The following ELOVL6 variants were observed in gnomAD, a reference collection of about 807,000 sequenced individuals.
ELOVL6 encodes the protein very long chain fatty acid elongase 6.
In ELOVL6, 8 loss-of-function variants were observed where a neutral mutation model predicts 31.7. That is an observed-to-expected ratio of 0.25 (90% CI 0.15 to 0.45). The LOEUF is 0.45. Ranked by LOEUF, ELOVL6 falls within the 20% of genes least tolerant of loss-of-function variation. ELOVL6 has a pLI of 1.00. For synonymous variants in ELOVL6, 101 were observed against 117.7 expected (o/e 0.86, Z 0.92); for missense variants, 126 against 326.4 (o/e 0.39, Z 4.73).
At chr4:110,173,347 TTA>T (rs1275647499) in intron 1 of ELOVL6, among the ~76,000 whole-genome samples, 1 of 151,974 alleles carries the variant, frequency 6.6e-6, no homozygotes, top group Admixed American at 6.6e-5. Context: ...CAAGTTCTGT[TTA>T]TGTCACTAGT....
At chr4:110,176,124 A>C (rs1759096234) in intron 1 of ELOVL6, among the ~76,000 whole-genome samples, 2 of 151,068 alleles carry the variant, frequency 1.3e-5, no homozygotes, top group African/African-American at 2.4e-5. Context: ...ACATTTAACA[A>C]CACCATGAAT....
chr4:110,188,025 T>C (rs1759499068), intron 1 of ELOVL6, among the ~76,000 whole-genome samples: 1 of 152,236 alleles, frequency 6.6e-6, no homozygotes, highest in African/African-American at 2.4e-5. Flanking sequence ...TTCTTCACAT[T>C]GTAGGAGCTG....
At chr4:110,126,206 G>A (rs1341828103) in intron 1 of ELOVL6, among the ~76,000 whole-genome samples, 1 of 152,032 alleles carries the variant, frequency 6.6e-6, no homozygotes, top group Non-Finnish European at 1.5e-5. Context: ...GCCATGCCCA[G>A]ATAATTTTTG....
At chr4:110,151,040 C>A (rs1182343159) in intron 1 of ELOVL6, among the ~76,000 whole-genome samples, 1 of 145,458 alleles carries the variant, frequency 6.9e-6, no homozygotes, top group Non-Finnish European at 1.5e-5. Flanking sequence ...AAGACTCCGT[C>A]TGAAAAAAAA....
intron 1 of ELOVL6, among the ~76,000 whole-genome samples, chr4:110,109,949 AGCAGT>A (rs1578487034): frequency 6.6e-6 from 1 of 152,330 alleles, no homozygotes; most frequent in East Asian, 1.9e-4. Context: ...GAAAGTAAAA[AGCAGT>A]GAGGGGAAAA....
intron 2 of ELOVL6, among the ~76,000 whole-genome samples, chr4:110,079,266 C>T (rs1003021202): frequency 2.6e-5 from 4 of 152,182 alleles, no homozygotes; most frequent in Non-Finnish European, 5.9e-5. Context: ...GAATTCTCCA[C>T]CCCAAATCAA....
At chr4:110,164,022 T>C (rs1054989849) in intron 1 of ELOVL6, among the ~76,000 whole-genome samples, 1 of 152,196 alleles carries the variant, frequency 6.6e-6, no homozygotes, top group East Asian at 1.9e-4. Context: ...CATTACTCAG[T>C]TGAAAGCAAA....
At chr4:110,113,555 C>T (rs977538557) in intron 1 of ELOVL6, among the ~76,000 whole-genome samples, 18 of 152,064 alleles carry the variant, frequency 1.2e-4, no homozygotes, top group Admixed American at 2.0e-4. Flanking sequence ...CCAGCCTGGG[C>T]GACAGAGTGA....
chr4:110,168,892 T>C (rs1758858182), intron 1 of ELOVL6, among the ~76,000 whole-genome samples: 1 of 152,192 alleles, frequency 6.6e-6, no homozygotes, highest in Non-Finnish European at 1.5e-5. Context: ...ATGAAGCCTT[T>C]AGTGGGTACG....
chr4:110,164,990 C>A (rs1400757483), intron 1 of ELOVL6, among the ~76,000 whole-genome samples: 3 of 151,922 alleles, frequency 2.0e-5, no homozygotes, highest in Non-Finnish European at 2.9e-5. Context: ...ACGTGCACCC[C>A]ACCACACCCA....
intron 1 of ELOVL6, among the ~76,000 whole-genome samples, chr4:110,175,237 G>A (rs1309441030): frequency 6.6e-6 from 1 of 151,976 alleles, no homozygotes; most frequent in Admixed American, 6.6e-5. Flanking sequence ...ACAAAAATTA[G>A]CCACGCGTGG....
rs982879061 is a variant in ELOVL6 at position 110,071,695 on chromosome 4, G to A, written c.222-11941C>T. Among the ~76,000 whole-genome samples the A allele has an allele frequency of 5.3e-5, 8 of 152,254 alleles. No homozygotes were observed. The East Asian group carries it at 9.7e-4, about 18-fold the overall frequency. On this transcript the variant is annotated intron_variant, in intron 2 of 3. Transcript: ENST00000302274. The stretch of plus-strand genomic sequence containing the variant: ...GGAACTTGGCCAAGATCCACTGCCT[G>A]CTCAGAAGGATGCCAGGCGTCTAAG...
chr4:110,174,164 CTTTT>C (rs1332367998), intron 1 of ELOVL6, among the ~76,000 whole-genome samples: 1 of 133,602 alleles, frequency 7.5e-6, no homozygotes, highest in African/African-American at 2.7e-5. Context: ...GAAAGACAGT[CTTTT>C]TTTTTTTTTT....
intron 2 of ELOVL6, among the ~76,000 whole-genome samples, chr4:110,094,267 G>C (rs1193936921): frequency 3.7e-4 from 55 of 148,130 alleles, no homozygotes; most frequent in Non-Finnish European, 1.2e-4. Context: ...AAAAAAATCT[G>C]GATGGGCCAG....
At chr4:110,192,194 A>G (rs1284256702) in intron 1 of ELOVL6, among the ~76,000 whole-genome samples, 1 of 65,720 alleles carries the variant, frequency 1.5e-5, no homozygotes, top group African/African-American at 4.9e-5. Context: ...CCATCCAAGA[A>G]AAAAAAAAAA....
intron 2 of ELOVL6, among the ~76,000 whole-genome samples, chr4:110,084,426 C>CATATATCATATATGATATATCGCAT (rs1756138805): frequency 1.5e-5 from 1 of 67,498 alleles, no homozygotes; most frequent in South Asian, 4.7e-4. Flanking sequence ...TGATATATCA[C>CATATATCATATATGATATATCGCAT]ATATATCATA....
At chr4:110,165,884 T>C (rs1758760016) in intron 1 of ELOVL6, among the ~76,000 whole-genome samples, 1 of 152,136 alleles carries the variant, frequency 6.6e-6, no homozygotes, top group African/African-American at 2.4e-5. Flanking sequence ...CCAGAAGAGT[T>C]TAGCACATCT....
Position 110,074,816 on chromosome 4 carries a change from C to T in ELOVL6, c.222-15062G>A, listed in dbSNP as rs1231750260. ...GCATCAAGGAAGTGGGTAAGCCCTGCGCTGGCTCTCCTTCCCGTAACTGGC... is the reference window on the plus strand; with the variant it reads ...GCATCAAGGAAGTGGGTAAGCCCTGTGCTGGCTCTCCTTCCCGTAACTGGC... On this transcript the variant is annotated intron_variant, in intron 2 of 3. Coordinates refer to ENST00000302274, the MANE Select transcript of ELOVL6 (RefSeq NM_024090.3). Among the ~76,000 whole-genome samples the T allele has an allele frequency of 5.9e-5, 9 of 152,140 alleles. No homozygotes were observed. In the South Asian group the frequency reaches 8.3e-4, roughly 14 times the overall value.
chr4:110,110,292 G>C (rs1378658914), intron 1 of ELOVL6, among the ~76,000 whole-genome samples: 1 of 151,796 alleles, frequency 6.6e-6, no homozygotes, highest in Non-Finnish European at 1.5e-5. Flanking sequence ...GGATCCTGAG[G>C]TTTCTTGAAG....
Sources: allele counts gnomAD v4.1 joint callset (sites outside exome capture counted in the v4.1 genomes callset), GRCh38; gene constraint gnomAD v4.1.1; transcripts MANE v1.5; gene names NCBI Gene and HGNC (gene_info 2026-07-23, HGNC 2026-07-21).